The following DGKH variants were observed in gnomAD, a reference collection of about 807,000 sequenced individuals.
The protein encoded by DGKH is DAG kinase eta.
Under a neutral mutation model 159.3 loss-of-function variants are expected in DGKH, and 90 were observed. The observed-to-expected ratio is 0.57, with a 90% CI of 0.48 to 0.67. DGKH has a LOEUF of 0.67. DGKH is among the 30% of genes least tolerant of loss of function. The pLI is 0.00. For synonymous variants in DGKH, 536 were observed against 553.8 expected, an observed-to-expected ratio of 0.97 and a Z score of 0.45; for missense variants, 1,181 against 1,506.1, an observed-to-expected ratio of 0.78 and a Z score of 3.57.
intron 1 of DGKH, chr13:42,040,174 G>A (rs959114188): frequency 6.6e-6 from 1 of 152,354 alleles, no homozygotes; most frequent in Non-Finnish European, 1.5e-5. Context: ...CCCCAGGAGG[G>A]GAGGCGCCTG....
intron 1 of DGKH, among the ~76,000 whole-genome samples, chr13:42,090,942 G>A (rs2137746364): frequency 6.6e-6 from 1 of 152,268 alleles, no homozygotes; most frequent in Non-Finnish European, 1.5e-5. Flanking sequence ...TCTGGAGGAT[G>A]CAGCAACAAG....
intron 28 of DGKH, 110 bp from the exon 29 acceptor site, chr13:42,221,154 T>G: frequency 7.1e-7 from 1 of 1,408,558 alleles, no homozygotes; most frequent in Non-Finnish European, 9.6e-7. Context: ...AACCTTTTCT[T>G]TTGCTAGCAC....
At chr13:42,246,037 C>T (rs1276721094), downstream of DGKH, among the ~76,000 whole-genome samples, 3 of 152,144 alleles carry the variant, frequency 2.0e-5, no homozygotes, top group East Asian at 3.8e-4. Flanking sequence ...GGTTATAGTA[C>T]TAGCAAGTTA....
intron 1 of DGKH, among the ~76,000 whole-genome samples, chr13:42,082,509 T>G (rs1053460543): frequency 3.3e-5 from 5 of 152,162 alleles, no homozygotes; most frequent in Admixed American, 6.5e-5. Flanking sequence ...AGTTAATACA[T>G]TTCCAAGACA....
intron 26 of DGKH, among the ~76,000 whole-genome samples, chr13:42,218,243 C>A (rs1262140815): frequency 1.3e-5 from 2 of 152,168 alleles, no homozygotes; most frequent in Non-Finnish European, 2.9e-5. Context: ...TTAATACCTG[C>A]TTTCAATGAG....
intron 1 of DGKH, among the ~76,000 whole-genome samples, chr13:42,052,911 TTA>T: frequency 6.6e-6 from 1 of 152,370 alleles, no homozygotes; most frequent in African/African-American, 2.4e-5. Context: ...CTGATGAGGT[TTA>T]TTGTGTTCTC....
At chr13:42,049,663 G>A (rs1369702039) in intron 1 of DGKH, among the ~76,000 whole-genome samples, 2 of 152,240 alleles carry the variant, frequency 1.3e-5, no homozygotes, top group Non-Finnish European at 2.9e-5. Flanking sequence ...CCCGCCAAGT[G>A]CAGGCAGGGT....
At chr13:42,076,291 G>T (rs772378488) in intron 1 of DGKH, among the ~76,000 whole-genome samples, 1 of 152,142 alleles carries the variant, frequency 6.6e-6, no homozygotes, top group Admixed American at 6.5e-5. Flanking sequence ...CTTTATTGGC[G>T]TAAAGAATAA....
intron 1 of DGKH, among the ~76,000 whole-genome samples, chr13:42,051,168 C>A (rs1034201574): frequency 1.3e-5 from 2 of 152,314 alleles, no homozygotes; most frequent in African/African-American, 4.8e-5. Context: ...TTAGCACATA[C>A]ATTTTGCCAT....
chr13:42,178,288 G>A (rs1956658347), intron 13 of DGKH, 68 bp downstream of exon 13: 1 of 1,236,792 alleles, frequency 8.1e-7, no homozygotes, highest in Admixed American at 2.3e-5. Flanking sequence ...TACCATTTAG[G>A]TCATTTCTTT....
intron 1 of DGKH, among the ~76,000 whole-genome samples, chr13:42,063,934 C>T (rs138161533): frequency 0.13 from 10,135 of 75,228 alleles, 1,077 homozygotes; most frequent in African/African-American, 0.3. Context: ...AGCAAAACTC[C>T]GTCTGAAAAA....
In DGKH at chr13:42,069,785, C is replaced by T. The variant is rs1350129463; in HGVS notation, c.192+20820C>T. The stretch of plus-strand genomic sequence containing the variant: ...TTACAAGTATGGCTACACTCCAGAT[C>T]ACAATATTTGTTTTCATGATGATCT... On this transcript the variant is annotated intron_variant, in intron 1 of 29. Coordinates refer to ENST00000337343, the MANE Select transcript of DGKH (RefSeq NM_178009.5). 5 of 1,085,260 alleles carry T rather than the reference C, an allele frequency of 4.6e-6. No individual in the cohort carries two copies. In the East Asian group the frequency reaches 1.2e-4, roughly 26 times the overall value. 67.2% of individuals were successfully genotyped at this position (1,085,260 alleles called of 1,614,324 possible).
At position 42,134,881 on chromosome 13, in the gene DGKH, G is replaced by A. The variant is rs555079267; in HGVS notation, c.384+5249G>A. On this transcript the variant is annotated intron_variant, in intron 3 of 29. Coordinates refer to ENST00000337343, the MANE Select transcript of DGKH (RefSeq NM_178009.5). ...AGTTCCAGCTATTTGGGAGGCTGAGGCAGGAGAATTGCTTGAACCCGGGAA... is the reference window on the plus strand; with the variant it reads ...AGTTCCAGCTATTTGGGAGGCTGAGACAGGAGAATTGCTTGAACCCGGGAA... Among the ~76,000 whole-genome samples, 31 of 152,298 alleles carry A rather than the reference G, an allele frequency of 2.0e-4. No individual in the cohort carries two copies. The South Asian group carries it at 6.4e-3, about 32-fold the overall frequency.
At chr13:42,064,963 A>G (rs1171585824) in intron 1 of DGKH, among the ~76,000 whole-genome samples, 2 of 152,156 alleles carry the variant, frequency 1.3e-5, no homozygotes, top group African/African-American at 4.8e-5. Context: ...GGCAAGTTAT[A>G]TAACCTCTTC....
At chr13:42,093,632 G>T (rs373695068) in intron 1 of DGKH, among the ~76,000 whole-genome samples, 5 of 152,280 alleles carry the variant, frequency 3.3e-5, no homozygotes, top group Admixed American at 1.3e-4. Flanking sequence ...AGACGAATGG[G>T]TAAAGAAAAT....
At chr13:42,077,222 A>G (rs1317370761) in intron 1 of DGKH, among the ~76,000 whole-genome samples, 3 of 152,140 alleles carry the variant, frequency 2.0e-5, no homozygotes, top group Non-Finnish European at 4.4e-5. Context: ...CTGCTTTATT[A>G]TTCTGCCCAT....
intron 1 of DGKH, among the ~76,000 whole-genome samples, chr13:42,054,363 C>T (rs1351014560): frequency 6.6e-6 from 1 of 152,178 alleles, no homozygotes; most frequent in Non-Finnish European, 1.5e-5. Context: ...GTGATACTGA[C>T]AGCCTTATTG....
At chr13:42,223,305 G>T (rs904088396) in intron 29 of DGKH, among the ~76,000 whole-genome samples, 15 of 152,232 alleles carry the variant, frequency 9.9e-5, no homozygotes, top group African/African-American at 3.6e-4. Flanking sequence ...TACTACTTGT[G>T]AATATGTCAG....
intron 3 of DGKH, among the ~76,000 whole-genome samples, chr13:42,141,883 G>A (rs537251684): frequency 2.0e-4 from 31 of 151,886 alleles, no homozygotes; most frequent in African/African-American, 7.5e-4. Flanking sequence ...TTGCTGTGCA[G>A]AAGCTCTTTA....
Sources: gnomAD v4.1 joint callset for allele counts (sites outside exome capture counted in the v4.1 genomes callset) on GRCh38, gnomAD v4.1.1 for gene constraint, MANE v1.5 for transcripts, NCBI Gene and HGNC (gene_info 2026-07-23, HGNC 2026-07-21) for gene names.